The following OLFM2 variants were observed in gnomAD, a reference collection of about 807,000 sequenced individuals.
OLFM2 encodes the protein noelin-2.
Under a neutral mutation model 43.9 loss-of-function variants are expected in OLFM2, and 20 were observed. The observed-to-expected ratio is 0.46, with a 90% confidence interval of 0.32 to 0.66. The LOEUF (loss-of-function observed/expected upper bound fraction) is 0.66, where lower values mean the gene tolerates loss of function less well. Among genes scored for constraint, OLFM2 ranks in the 30% least tolerant of loss-of-function variants. The pLI, the probability that OLFM2 is intolerant of heterozygous loss-of-function variation, is 0.04. For missense variants in OLFM2, 416 were observed against 643.6 expected (o/e 0.65, Z 3.83); for synonymous variants, 268 against 278.6 (o/e 0.96, Z 0.38).
intron 1 of OLFM2, among the ~76,000 whole-genome samples, chr19:9,919,484 T>C (rs1221211726): frequency 2.0e-5 from 3 of 150,378 alleles, no homozygotes; most frequent in African/African-American, 7.3e-5. Flanking sequence ...CATTTCTTCC[T>C]ATTCATTTAT....
chr19:9,928,561 G>T (rs2086465963), intron 1 of OLFM2, among the ~76,000 whole-genome samples: 1 of 151,950 alleles, frequency 6.6e-6, no homozygotes, highest in Non-Finnish European at 1.5e-5. Flanking sequence ...TCCCAGCACT[G>T]AGGGAGGCCA....
intron 1 of OLFM2, among the ~76,000 whole-genome samples, chr19:9,934,527 AAGCCAC>A (rs1192895671): frequency 6.7e-6 from 1 of 149,028 alleles, no homozygotes; most frequent in African/African-American, 2.5e-5. Flanking sequence ...AGTGGAGGAG[AAGCCAC>A]AGGGGGTGGT....
intron 1 of OLFM2, among the ~76,000 whole-genome samples, chr19:9,931,168 G>A (rs1335648802): frequency 2.0e-5 from 3 of 152,184 alleles, no homozygotes; most frequent in African/African-American, 7.2e-5. Flanking sequence ...CTCTAAAGGA[G>A]CCCCAGGAGA....
chr19:9,913,915 C>CCG (rs1204231183), intron 1 of OLFM2: 2 of 151,510 alleles, frequency 1.3e-5, no homozygotes, highest in African/African-American at 4.8e-5. Flanking sequence ...GGCCCGGAGC[C>CCG]CGGCGGGGGG....
chr19:9,921,785 T>C (rs113256469), intron 1 of OLFM2, among the ~76,000 whole-genome samples: 17,596 of 152,048 alleles, frequency 0.12, 2,948 homozygotes, highest in African/African-American at 0.38. Context: ...ACACCCAGCC[T>C]GAACTACATT....
At chr19:9,871,900 C>G (rs2046445573) in intron 1 of OLFM2, among the ~76,000 whole-genome samples, 1 of 152,212 alleles carries the variant, frequency 6.6e-6, no homozygotes, top group Non-Finnish European at 1.5e-5. Context: ...GGACAGAGAG[C>G]AAACACCTTC....
At chr19:9,901,319 G>A (rs1188305109) in intron 1 of OLFM2, among the ~76,000 whole-genome samples, 1 of 152,188 alleles carries the variant, frequency 6.6e-6, no homozygotes, top group South Asian at 2.1e-4. Context: ...CCAACTACTT[G>A]GGAGGCTGAG....
intron 1 of OLFM2, among the ~76,000 whole-genome samples, chr19:9,872,501 C>T (rs1328513926): frequency 1.4e-5 from 2 of 142,358 alleles, no homozygotes; most frequent in Non-Finnish European, 3.0e-5. Context: ...GGTGACAGAG[C>T]GAGACCCTGT....
intron 1 of OLFM2, among the ~76,000 whole-genome samples, chr19:9,928,035 C>CA (rs377346819): frequency 2.5e-4 from 38 of 150,692 alleles, no homozygotes; most frequent in East Asian, 2.3e-3. Context: ...CCATCTCTAC[C>CA]AAAAAAAAGA....
chr19:9,926,908 A>G (rs2086456845), intron 1 of OLFM2, among the ~76,000 whole-genome samples: 1 of 151,770 alleles, frequency 6.6e-6, no homozygotes, highest in African/African-American at 2.4e-5. Flanking sequence ...TTGCCTGAGC[A>G]CAGGAGTTTG....
rs777357065 is a variant in OLFM2, at chr19:9,857,285, G to A, written c.558C>T (p.Leu186=). ...QQRVMALEAR[L]HACAQKLGCG... ...TACCCAGCTTCTGGGCGCAGGCGTG[G>A]AGCCGGGCCTCCAGGGCCATCACCC... Residue 186 remains leucine (L), a synonymous_variant, in exon 4 of 6, where the codon CTC becomes CTT. Transcript: ENST00000264833. This position sits in a 1 kb window ranked among gnomAD's most constrained non-coding sequence, Gnocchi z 5.7. 3 of 1,614,056 alleles carry A rather than the reference G, an allele frequency of 1.9e-6. No individual in the cohort carries two copies. The highest frequency in any genetic ancestry group is 2.2e-5 in the East Asian group (1 of 44,882).
chr19:9,864,792 T>TTC (rs1392670175), intron 1 of OLFM2, among the ~76,000 whole-genome samples: 3 of 148,552 alleles, frequency 2.0e-5, no homozygotes, highest in African/African-American at 7.4e-5. Flanking sequence ...CCCAGCTTTT[T>TTC]TTTTTTTTTT....
intron 1 of OLFM2, among the ~76,000 whole-genome samples, chr19:9,908,616 C>T (rs537674208): frequency 3.3e-5 from 5 of 152,064 alleles, no homozygotes; most frequent in African/African-American, 1.2e-4. Flanking sequence ...GTAGCTGGGA[C>T]TGCAGGCACC....
At chr19:9,895,113 G>A (rs2046672116) in intron 1 of OLFM2, among the ~76,000 whole-genome samples, 1 of 152,098 alleles carries the variant, frequency 6.6e-6, no homozygotes, top group Admixed American at 6.6e-5. Context: ...TCCTACTGAT[G>A]TTAACTCCTA....
chr19:9,884,217 C>T (rs1386901261), intron 1 of OLFM2, among the ~76,000 whole-genome samples: 3 of 148,870 alleles, frequency 2.0e-5, no homozygotes, highest in Non-Finnish European at 4.4e-5. Flanking sequence ...CTGCAATGAG[C>T]TGTGATCATG....
At chr19:9,885,474 C>A (rs1182728966) in intron 1 of OLFM2, among the ~76,000 whole-genome samples, 6 of 152,144 alleles carry the variant, frequency 3.9e-5, no homozygotes, top group Non-Finnish European at 7.3e-5. Context: ...GGGCTCTGCC[C>A]AGAGCTGCTG....
At chr19:9,920,572 A>T (rs1192386848) in intron 1 of OLFM2, among the ~76,000 whole-genome samples, 1 of 152,082 alleles carries the variant, frequency 6.6e-6, no homozygotes, top group East Asian at 1.9e-4. Context: ...ATCACTGTGA[A>T]CATCGTGCTG....
At chr19:9,905,826 C>G (rs962096837) in intron 1 of OLFM2, among the ~76,000 whole-genome samples, 4 of 152,152 alleles carry the variant, frequency 2.6e-5, no homozygotes, top group African/African-American at 9.7e-5. Context: ...GCCTTGGCAG[C>G]CTGGCACAGG....
At position 9,921,531 on chromosome 19, in the gene OLFM2, G is replaced by A. The variant is rs2086419925; in HGVS notation, c.63+14773C>T. Among the ~76,000 whole-genome samples, 4 of 148,508 alleles carry A rather than the reference G, an allele frequency of 2.7e-5. No individual in the cohort carries two copies. The South Asian group carries it at 6.3e-4, about 24-fold the overall frequency. On this transcript the variant is annotated intron_variant, in intron 1 of 5. Transcript: ENST00000264833. The stretch of plus-strand genomic sequence containing the variant: ...TGAGACGGAGTCTCACTCTGTCACC[G>A]AGGCTGGAGTGCAGTGGCATGATCT...
Sources: allele counts gnomAD v4.1 joint callset (sites outside exome capture counted in the v4.1 genomes callset), GRCh38; gene constraint gnomAD v4.1.1; non-coding constraint Gnocchi (gnomAD v3.1); transcripts MANE v1.5; gene names NCBI Gene and HGNC (gene_info 2026-07-23, HGNC 2026-07-21).